Variants in PARD3 observed in about 807,000 individuals in gnomAD.
PARD3 encodes par-3 family cell polarity regulator, also known as partitioning defective 3 homolog.
A neutral mutation model predicts 155.4 loss-of-function variants in PARD3; 75 were observed. The observed-to-expected ratio is 0.48, with a 90% CI of 0.40 to 0.58. The LOEUF (loss-of-function observed/expected upper bound fraction) is 0.58, where lower values mean the gene tolerates loss of function less well. Among genes scored for constraint, PARD3 ranks in the 20% least tolerant of loss-of-function variants. The probability of loss-of-function intolerance (pLI) is 0.00; values close to 1 mark genes in which losing one functional copy is unlikely to be tolerated. For synonymous variants in PARD3, 576 were observed against 610.5 expected (o/e 0.94, Z 0.83); for missense variants, 1,642 against 1,721.7 (o/e 0.95, Z 0.82).
At chr10:34,574,380 A>T (rs999472128) in intron 2 of PARD3, among the ~76,000 whole-genome samples, 11 of 152,168 alleles carry the variant, frequency 7.2e-5, no homozygotes, top group Admixed American at 1.3e-4. Context: ...CCAAATTTAG[A>T]CACTTGTCCA....
At chr10:34,751,152 C>T (rs1835982891) in intron 1 of PARD3, among the ~76,000 whole-genome samples, 1 of 152,046 alleles carries the variant, frequency 6.6e-6, no homozygotes, top group Admixed American at 6.5e-5. Flanking sequence ...CCATTAAGTC[C>T]ATCCATTCAG....
Position 34,815,097 on chromosome 10 carries a change from CGGGCGCGCGGGCGGCTAG to C in PARD3, c.-120_-103del. 2.9e-6 allele frequency: 2 copies of C among 686,976 alleles called. No homozygotes were observed. The highest frequency in any genetic ancestry group is 3.7e-6 in the Non-Finnish European group (2 of 542,858). 42.6% of individuals were successfully genotyped at this position (686,976 alleles called of 1,614,324 possible). Reference sequence around the variant, plus strand: ...GGGCGCGGAGGAGCCGCTGGGGACTCGGGCGCGCGGGCGGCTAGGGGCGCGGGCAGGCGGCGGCGACGC... The same window carrying C: ...GGGCGCGGAGGAGCCGCTGGGGACTCGGGCGCGGGCAGGCGGCGGCGACGC... On this transcript the variant is annotated 5_prime_UTR_variant, in exon 1 of 25. The change abolishes the stop of an existing upstream ORF in the 5' untranslated region. Coordinates refer to ENST00000374788, the MANE Select transcript of PARD3 (RefSeq NM_001184785.2).
intron 2 of PARD3, among the ~76,000 whole-genome samples, chr10:34,620,541 C>A (rs1167906952): frequency 2.0e-5 from 3 of 152,180 alleles, no homozygotes; most frequent in Non-Finnish European, 4.4e-5. Flanking sequence ...AAGGAAACGA[C>A]GAGGCTGTTT....
chr10:34,559,318 C>T (rs1383085001), intron 2 of PARD3, among the ~76,000 whole-genome samples: 5 of 152,002 alleles, frequency 3.3e-5, no homozygotes, highest in African/African-American at 7.2e-5. Flanking sequence ...CCCATGCCTT[C>T]GGTGGAATGT....
intron 24 of PARD3, among the ~76,000 whole-genome samples, chr10:34,116,195 T>C (rs1307413431): frequency 2.0e-5 from 3 of 152,216 alleles, no homozygotes; most frequent in Non-Finnish European, 4.4e-5. Flanking sequence ...ATAGAGTTTC[T>C]TACTTACAGT....
At chr10:34,596,769 AG>A (rs1301126235) in intron 2 of PARD3, among the ~76,000 whole-genome samples, 1 of 152,198 alleles carries the variant, frequency 6.6e-6, no homozygotes, top group African/African-American at 2.4e-5. Flanking sequence ...GAGACAGGGA[AG>A]GGCAGGGCTA....
chr10:34,660,494 G>A (rs755423554), intron 2 of PARD3, among the ~76,000 whole-genome samples: 1 of 151,980 alleles, frequency 6.6e-6, no homozygotes, highest in African/African-American at 2.4e-5. Context: ...CTGTGCACGG[G>A]GCTGCACTAC....
chr10:34,331,076 T>A lies in PARD3; in HGVS notation c.2833+41A>T, dbSNP rs771744323. The A allele has an allele frequency of 6.6e-6, 10 of 1,505,314 alleles. No homozygotes were observed. In the Admixed American group the frequency reaches 1.7e-4, roughly 25 times the overall value. The allele number at this position is 1,505,314 out of a possible 1,614,324, so 93.2% of individuals were successfully genotyped here. A position where few individuals can be genotyped will look rare whatever the true frequency, so the allele number is the denominator to read the frequency against. On this transcript the variant is annotated intron_variant, in intron 19 of 24. Transcript: ENST00000374788. The stretch of plus-strand genomic sequence containing the variant: ...CTGGAGCTCACTTTAAGAAATAGAG[T>A]CTAATTTTAATTATTATTCTTTCAG...
chr10:34,338,896 A>C (rs1836490516), intron 16 of PARD3, among the ~76,000 whole-genome samples: 1 of 152,204 alleles, frequency 6.6e-6, no homozygotes, highest in Non-Finnish European at 1.5e-5. Flanking sequence ...GTAAATTGCT[A>C]ACTACTAAAC....
At chr10:34,495,641 T>C (rs1376221186) in intron 3 of PARD3, among the ~76,000 whole-genome samples, 1 of 152,112 alleles carries the variant, frequency 6.6e-6, no homozygotes, top group Non-Finnish European at 1.5e-5. Context: ...GCAGAAAATA[T>C]ATTAGAAGAG....
chr10:34,784,462 C>T (rs576867225), intron 1 of PARD3, among the ~76,000 whole-genome samples: 4 of 149,768 alleles, frequency 2.7e-5, no homozygotes, highest in East Asian at 3.9e-4. Context: ...TTTTTGGAGA[C>T]GGAGTCTCAC....
intron 22 of PARD3, among the ~76,000 whole-genome samples, chr10:34,185,805 C>T (rs935629123): frequency 1.5e-4 from 19 of 129,988 alleles, no homozygotes; most frequent in African/African-American, 5.4e-4. Context: ...AACACAGTAA[C>T]ATCTTCTATA....
At chr10:34,666,994 C>G (rs1160755350) in intron 2 of PARD3, among the ~76,000 whole-genome samples, 1 of 151,602 alleles carries the variant, frequency 6.6e-6, no homozygotes, top group Admixed American at 6.6e-5. Flanking sequence ...CGTGGTGAAA[C>G]CCTGTCTCTA....
chr10:34,382,063 T>C (rs1272877532), intron 9 of PARD3, among the ~76,000 whole-genome samples: 1 of 152,004 alleles, frequency 6.6e-6, no homozygotes, highest in Non-Finnish European at 1.5e-5. Flanking sequence ...TATAAACTCC[T>C]GGCAGCCTCA....
chr10:34,659,465 AT>A (rs1337596605), intron 2 of PARD3, among the ~76,000 whole-genome samples: 1 of 152,052 alleles, frequency 6.6e-6, no homozygotes, highest in Non-Finnish European at 1.5e-5. Context: ...TGGCTGGGGT[AT>A]TTTAAAGGAA....
At chr10:34,145,217 ATATATTT>A (rs1377410148) in intron 22 of PARD3, among the ~76,000 whole-genome samples, 31 of 57,948 alleles carry the variant, frequency 5.3e-4, no homozygotes, top group African/African-American at 1.9e-3. Context: ...ATATATATAT[ATATATTT>A]TTTTTTTTTT....
intron 2 of PARD3, among the ~76,000 whole-genome samples, chr10:34,582,330 T>C (rs1324302): frequency 0.35 from 53,558 of 152,064 alleles, 9,724 homozygotes; most frequent in South Asian, 0.43. Flanking sequence ...AGAATTCACA[T>C]AGAAAGCTAT....
chr10:34,185,165 A>G (rs1837692), intron 22 of PARD3, among the ~76,000 whole-genome samples: 20,781 of 152,182 alleles, frequency 0.14, 3,893 homozygotes, highest in African/African-American at 0.43. Context: ...TGTAGATTGG[A>G]TGAGCTATTA....
intron 22 of PARD3, among the ~76,000 whole-genome samples, chr10:34,198,665 T>C (rs1345159919): frequency 6.6e-6 from 1 of 152,218 alleles, no homozygotes; most frequent in Non-Finnish European, 1.5e-5. Flanking sequence ...AAATTTTCAC[T>C]ACCTGTCATT....
Sources: gnomAD v4.1 joint callset for allele counts (sites outside exome capture counted in the v4.1 genomes callset) on GRCh38, gnomAD v4.1.1 for gene constraint, MANE v1.5 for transcripts, NCBI Gene and HGNC (gene_info 2026-07-23, HGNC 2026-07-21) for gene names.